PARP4: variants seen among roughly 807,000 people sequenced by gnomAD.
PARP4 encodes poly(ADP-ribose) polymerase family member 4.
Under a neutral mutation model 187.7 loss-of-function variants are expected in PARP4, and 120 were observed. The observed-to-expected ratio is 0.64, with a 90% CI of 0.55 to 0.74. The LOEUF (loss-of-function observed/expected upper bound fraction) is 0.74, where lower values mean the gene tolerates loss of function less well. PARP4 is among the 30% of genes least tolerant of loss of function. PARP4 has a pLI of 0.00. For missense variants in PARP4, 1,836 were observed against 2,070.5 expected (o/e 0.89, Z 2.20); for synonymous variants, 654 against 740.9 (o/e 0.88, Z 1.90).
At chr13:24,468,649 C>T (rs1872594368) in intron 17 of PARP4, among the ~76,000 whole-genome samples, 1 of 152,112 alleles carries the variant, frequency 6.6e-6, no homozygotes, top group Non-Finnish European at 1.5e-5. Flanking sequence ...GGTGATATGC[C>T]CACCTCAGCC....
chr13:24,478,626 G>T (rs1873110038), intron 12 of PARP4, among the ~76,000 whole-genome samples: 1 of 151,858 alleles, frequency 6.6e-6, no homozygotes, highest in Non-Finnish European at 1.5e-5. Flanking sequence ...CTAAGATGGG[G>T]TCTCACTATG....
chr13:24,475,225 TTCA>T (rs1172292444), intron 15 of PARP4, among the ~76,000 whole-genome samples: 1 of 152,140 alleles, frequency 6.6e-6, no homozygotes, highest in Non-Finnish European at 1.5e-5. Context: ...GTTTCACTCT[TTCA>T]TCATGATTAT....
At chr13:24,502,490 C>G (rs1869355362) in intron 2 of PARP4, among the ~76,000 whole-genome samples, 1 of 152,260 alleles carries the variant, frequency 6.6e-6, no homozygotes, top group African/African-American at 2.4e-5. Flanking sequence ...CCTGCTAGAG[C>G]TACACTATGC....
chr13:24,444,947 G>A lies in PARP4; in HGVS notation c.3367-1217C>T, dbSNP rs139409999. Among the ~76,000 whole-genome samples, 283 of 152,308 alleles carry A rather than the reference G, an allele frequency of 1.9e-3. 2 individuals are homozygous for A. The highest frequency in any genetic ancestry group is 6.4e-3 in the African/African-American group (268 of 41,574). ...ACTTTAAAGGGATGATAGAGAAACCGTTACCAGAGGTGCTTCTATTCTCTC... is the reference window on the plus strand; with the variant it reads ...ACTTTAAAGGGATGATAGAGAAACCATTACCAGAGGTGCTTCTATTCTCTC... On this transcript the variant is annotated intron_variant, in intron 27 of 33. Transcript: ENST00000381989.
chr13:24,488,398 G>A (rs1868444319), intron 10 of PARP4, among the ~76,000 whole-genome samples: 1 of 152,180 alleles, frequency 6.6e-6, no homozygotes, highest in African/African-American at 2.4e-5. Context: ...CTGTCTCCCA[G>A]GCTGGAGTGC....
chr13:24,472,900 T>G lies in PARP4; in HGVS notation c.1914+2572A>C, dbSNP rs1332878654. ...TCTTTCAACACCCTGAGTTTTTTTT[T>G]TTTTTTTTTTTTTGAGACAGGGTCT... On this transcript the variant is annotated intron_variant, in intron 15 of 33. Transcript: ENST00000381989. Among the ~76,000 whole-genome samples the G allele has an allele frequency of 3.0e-3, 451 of 150,042 alleles. 2 individuals carry two copies. Among genetic ancestry groups the G allele is most frequent in the Non-Finnish European group, 5.0e-3 (334 of 67,410 alleles).
At chr13:24,452,310 C>G (rs1157789532) in intron 24 of PARP4, 96 bp downstream of exon 24, 1 of 957,812 alleles carries the variant, frequency 1.0e-6, no homozygotes, top group African/African-American at 1.6e-5. Flanking sequence ...CTTCTGTATT[C>G]TAGTGTCAAC....
At chr13:24,481,643 A>T (rs1873287842) in intron 12 of PARP4, among the ~76,000 whole-genome samples, 1 of 152,234 alleles carries the variant, frequency 6.6e-6, no homozygotes, top group Non-Finnish European at 1.5e-5. Context: ...CAGTGAGCCA[A>T]GATCACACCA....
At chr13:24,451,641 A>T (rs557912717) in intron 24 of PARP4, among the ~76,000 whole-genome samples, 23,747 of 152,022 alleles carry the variant, frequency 0.16, 2,427 homozygotes, top group African/African-American at 0.28. Flanking sequence ...ATGCACTGCC[A>T]CCAGATAGCT....
At chr13:24,486,102 AAAG>A (rs1339623144) in intron 11 of PARP4, 63 bp downstream of exon 11, 1 of 1,446,492 alleles carries the variant, frequency 6.9e-7, no homozygotes, top group East Asian at 2.3e-5. Context: ...AGTAGGAAAA[AAAG>A]AAGTAAAACA....
At chr13:24,465,165 T>G (rs558990422) in intron 17 of PARP4, among the ~76,000 whole-genome samples, 1 of 152,200 alleles carries the variant, frequency 6.6e-6, no homozygotes. Flanking sequence ...TGTGGAGAAA[T>G]AGGAATGCTT....
intron 17 of PARP4, among the ~76,000 whole-genome samples, chr13:24,468,721 T>C (rs1472473821): frequency 6.6e-6 from 1 of 152,162 alleles, no homozygotes; most frequent in Non-Finnish European, 1.5e-5. Flanking sequence ...CACACTCTTA[T>C]CAGAAGATGA....
At chr13:24,498,072 A>G (rs1243103381) in intron 6 of PARP4, 44 bp downstream of exon 6, 1 of 1,351,174 alleles carries the variant, frequency 7.4e-7, no homozygotes, top group African/African-American at 1.4e-5. Context: ...TGAGTTATGA[A>G]CAGAGGTCAG....
chr13:24,445,143 A>T (rs1351818338), intron 27 of PARP4, among the ~76,000 whole-genome samples: 1 of 151,966 alleles, frequency 6.6e-6, no homozygotes, highest in African/African-American at 2.4e-5. Context: ...TTTGAGTCTC[A>T]CGTGGCTCGT....
chr13:24,443,344 C>G (rs867586802), intron 28 of PARP4, among the ~76,000 whole-genome samples: 1 of 152,160 alleles, frequency 6.6e-6, no homozygotes, highest in African/African-American at 2.4e-5. Context: ...CACGAGAGAT[C>G]TGAGGTGACG....
chr13:24,495,240 C>T (rs548031316), intron 6 of PARP4, among the ~76,000 whole-genome samples: 36 of 152,212 alleles, frequency 2.4e-4, no homozygotes, highest in African/African-American at 8.4e-4. Context: ...CTTGAGAATG[C>T]ACAGCAGACA....
chr13:24,490,428 T>G (rs546833066), intron 10 of PARP4, among the ~76,000 whole-genome samples: 1 of 152,170 alleles, frequency 6.6e-6, no homozygotes, highest in Non-Finnish European at 1.5e-5. Context: ...ATTTTTAAAT[T>G]TAACCCTCAA....
rs367643046 is a variant in PARP4, at chr13:24,453,668, T to C, written c.2759-14A>G. ...GCTCCTTGTAACCTGTGTAATAAGA[T>C]CAGCATGAGGTGCTGCTTCCACACG... is the stretch of plus-strand genomic sequence containing the variant. On this transcript the variant is annotated splice_polypyrimidine_tract_variant and intron_variant, in intron 22 of 33. Transcript: ENST00000381989. 212 of 1,533,804 alleles carry C rather than the reference T, an allele frequency of 1.4e-4. No homozygotes were observed. The highest frequency in any genetic ancestry group is 8.4e-4 in the Middle Eastern group (5 of 5,930).
At chr13:24,446,985 C>T (rs1871241853) in intron 26 of PARP4, 31 bp downstream of exon 26, 1 of 1,521,186 alleles carries the variant, frequency 6.6e-7, no homozygotes, top group Non-Finnish European at 8.8e-7. Context: ...ATTGGTCTTC[C>T]CATAGAATAA....
Sources: gnomAD v4.1 joint callset for allele counts (sites outside exome capture counted in the v4.1 genomes callset) on GRCh38, gnomAD v4.1.1 for gene constraint, MANE v1.5 for transcripts, NCBI Gene and HGNC (gene_info 2026-07-23, HGNC 2026-07-21) for gene names.